CADPS: variants seen among roughly 807,000 people sequenced by gnomAD.
The protein encoded by CADPS is calcium dependent secretion activator.
A neutral mutation model predicts 167.3 loss-of-function variants in CADPS; 57 were observed. That is an observed-to-expected ratio of 0.34 (90% CI 0.28 to 0.42). The LOEUF (loss-of-function observed/expected upper bound fraction) is 0.42, where lower values mean the gene tolerates loss of function less well. CADPS is among the 20% of genes least tolerant of loss of function. The pLI is 1.00. For synonymous variants in CADPS, 676 were observed against 635.3 expected (o/e 1.06, Z -0.96); for missense variants, 1,414 against 1,738.1 (o/e 0.81, Z 3.32).
intron 1 of CADPS, among the ~76,000 whole-genome samples, chr3:62,810,842 C>T (rs957188921): frequency 1.3e-5 from 2 of 152,222 alleles, no homozygotes; most frequent in Non-Finnish European, 2.9e-5. Context: ...GGGCGCAGGG[C>T]TCTTACGTGT....
intron 3 of CADPS, among the ~76,000 whole-genome samples, chr3:62,682,967 A>G (rs1478023305): frequency 1.3e-5 from 2 of 152,094 alleles, no homozygotes; most frequent in African/African-American, 4.8e-5. Flanking sequence ...AGTAGAAGTT[A>G]ACCAGGCAAA....
chr3:62,486,655 G>A (rs183918815), intron 21 of CADPS, among the ~76,000 whole-genome samples: 1 of 152,186 alleles, frequency 6.6e-6, no homozygotes, highest in Non-Finnish European at 1.5e-5. Context: ...CCAAAGTAGG[G>A]CTTAGCCCAT....
rs1171903377 is a variant in CADPS at position 62,412,902 on chromosome 3, G to T, written c.3778-9717C>A. Among the ~76,000 whole-genome samples, 1 of 152,144 alleles carries T rather than the reference G, an allele frequency of 6.6e-6. No homozygotes were observed. The highest frequency in any genetic ancestry group is 2.4e-5 in the African/African-American group (1 of 41,422). On this transcript the variant is annotated intron_variant, in intron 28 of 29. Transcript: ENST00000383710. This position sits in a 1 kb window ranked among gnomAD's most constrained non-coding sequence, Gnocchi z 4.1. ...AAGCCAGAATACAAGTAAGTATGTT[G>T]CTTCTGAATCAATCTGATTGTCTAA... is the stretch of plus-strand genomic sequence containing the variant.
In CADPS at chr3:62,438,715, TTGTGTGTGTGTGTGTGTGTG is replaced by T. The variant is rs34771903; in HGVS notation, c.3670-524_3670-505del. 1.4e-5 allele frequency: 2 copies of T among 144,160 alleles called. No individual in the cohort carries two copies. Among genetic ancestry groups the T allele is most frequent in the East Asian group, 4.1e-4 (2 of 4,844 alleles). The allele number at this position is 144,160 out of a possible 1,614,324, so 8.9% of individuals were successfully genotyped here. On this transcript the variant is annotated intron_variant, in intron 27 of 29. Coordinates refer to ENST00000383710, the MANE Select transcript of CADPS (RefSeq NM_003716.4). This position sits in a 1 kb window ranked among gnomAD's most constrained non-coding sequence, Gnocchi z 4.7. ...TATACCTCTTCCTACCCAAGTCTCATTGTGTGTGTGTGTGTGTGTGTGTGTGTGTGTGTGTGTGTGTGTAT... is the reference window on the plus strand; with the variant it reads ...TATACCTCTTCCTACCCAAGTCTCATTGTGTGTGTGTGTGTGTGTGTGTAT...
At chr3:62,636,097 A>G (rs2066251524) in intron 6 of CADPS, among the ~76,000 whole-genome samples, 1 of 152,190 alleles carries the variant, frequency 6.6e-6, no homozygotes, top group Admixed American at 6.5e-5. Flanking sequence ...AATGATTAAA[A>G]TAAGAATAAC....
intron 1 of CADPS, among the ~76,000 whole-genome samples, chr3:62,863,333 G>GA (rs2081145499): frequency 6.6e-6 from 1 of 152,116 alleles, no homozygotes; most frequent in Non-Finnish European, 1.5e-5. Context: ...TCTTCTGTAG[G>GA]ATTGGGATGA....
intron 29 of CADPS, among the ~76,000 whole-genome samples, chr3:62,402,242 G>A: frequency 1.3e-5 from 1 of 76,490 alleles, no homozygotes; most frequent in African/African-American, 6.7e-5. Flanking sequence ...GTGGGGGCGG[G>A]GGGGGGGGGT....
At chr3:62,761,293 A>G (rs1033210730) in intron 2 of CADPS, among the ~76,000 whole-genome samples, 1 of 152,094 alleles carries the variant, frequency 6.6e-6, no homozygotes, top group Non-Finnish European at 1.5e-5. Flanking sequence ...GTTGCTAGCA[A>G]CTAAAGAAGT....
chr3:62,632,135 A>G (rs2065399057), intron 6 of CADPS, among the ~76,000 whole-genome samples: 1 of 152,220 alleles, frequency 6.6e-6, no homozygotes, highest in South Asian at 2.1e-4. Flanking sequence ...ATATGAGTAT[A>G]CAGATTTTCA....
intron 5 of CADPS, among the ~76,000 whole-genome samples, chr3:62,649,968 G>A (rs956354425): frequency 2.0e-5 from 3 of 151,888 alleles, no homozygotes; most frequent in Admixed American, 1.3e-4. Context: ...CCATTTTGTC[G>A]ATCCATTCAC....
chr3:62,572,281 C>T (rs1426982707), intron 8 of CADPS, among the ~76,000 whole-genome samples: 2 of 152,148 alleles, frequency 1.3e-5, no homozygotes, highest in African/African-American at 4.8e-5. Context: ...ATTCCTCAGT[C>T]GCCAAGTGCA....
intron 3 of CADPS, among the ~76,000 whole-genome samples, chr3:62,712,414 G>A (rs1378739962): frequency 6.6e-6 from 1 of 152,130 alleles, no homozygotes; most frequent in African/African-American, 2.4e-5. Flanking sequence ...ATCTGATACT[G>A]CTGTCAAATA....
chr3:62,740,490 T>C (rs1420772815), intron 3 of CADPS, among the ~76,000 whole-genome samples: 2 of 152,218 alleles, frequency 1.3e-5, no homozygotes, highest in Middle Eastern at 3.2e-3. Flanking sequence ...GATACAAATT[T>C]GTCTCTACTT....
At chr3:62,823,429 G>T (rs2073390753) in intron 1 of CADPS, among the ~76,000 whole-genome samples, 1 of 152,058 alleles carries the variant, frequency 6.6e-6, no homozygotes, top group South Asian at 2.1e-4. Context: ...CAATACAAAT[G>T]GTTACTTTAA....
At chr3:62,405,758 C>T (rs529211875) in intron 28 of CADPS, among the ~76,000 whole-genome samples, 1 of 152,264 alleles carries the variant, frequency 6.6e-6, no homozygotes, top group African/African-American at 2.4e-5. Flanking sequence ...GCCCCATTGG[C>T]TACACATTTA....
At chr3:62,561,823 T>G (rs2079216102) in intron 9 of CADPS, among the ~76,000 whole-genome samples, 1 of 152,226 alleles carries the variant, frequency 6.6e-6, no homozygotes, top group African/African-American at 2.4e-5. Context: ...TTTACCATCA[T>G]TCTTTGAAAA....
rs557948454 is a variant in CADPS at position 62,763,096 on chromosome 3, T to C, written c.555+2775A>G. Among the ~76,000 whole-genome samples the C allele has an allele frequency of 5.9e-5, 9 of 152,276 alleles. No homozygotes were observed. The South Asian group carries it at 1.9e-3, about 32-fold the overall frequency. The stretch of plus-strand genomic sequence containing the variant: ...CCATTACATTCTTCCTGAAAATGGT[T>C]CCAGTGCAGCTGAGCCTGTACTCAG... On this transcript the variant is annotated intron_variant, in intron 2 of 29. Coordinates refer to ENST00000383710, the MANE Select transcript of CADPS (RefSeq NM_003716.4).
At chr3:62,554,913 C>T (rs139636982) in intron 10 of CADPS, among the ~76,000 whole-genome samples, 30 of 152,106 alleles carry the variant, frequency 2.0e-4, no homozygotes, top group South Asian at 1.9e-3. Context: ...CCACCACGTG[C>T]GGCTAATTTT....
chr3:62,804,365 A>G (rs769378257), intron 1 of CADPS, among the ~76,000 whole-genome samples: 21 of 152,130 alleles, frequency 1.4e-4, no homozygotes, highest in Non-Finnish European at 2.6e-4. Context: ...AGCTTTCTCA[A>G]GAGGAAAGGC....
Sources: gnomAD v4.1 joint callset for allele counts (sites outside exome capture counted in the v4.1 genomes callset) on GRCh38, gnomAD v4.1.1 for gene constraint, Gnocchi (gnomAD v3.1) non-coding constraint, MANE v1.5 for transcripts, NCBI Gene and HGNC (gene_info 2026-07-23, HGNC 2026-07-21) for gene names.